The following SRRM3 variants were observed in gnomAD, a reference collection of about 807,000 sequenced individuals.
SRRM3 encodes the protein serine/arginine repetitive matrix protein 3.
SRRM3 carries 27 observed loss-of-function variants against 66.2 expected under a neutral mutation model. The ratio of observed to expected loss-of-function variants is 0.41; its 90% CI spans 0.30 to 0.56. The LOEUF is 0.56. Among genes scored for constraint, SRRM3 ranks in the 20% least tolerant of loss-of-function variants. The pLI is 0.32. For missense variants in SRRM3, 918 were observed against 991.9 expected (o/e 0.93, Z 1.00); for synonymous variants, 391 against 414.9 (o/e 0.94, Z 0.70).
intron 3 of SRRM3, among the ~76,000 whole-genome samples, chr7:76,259,106 G>A (rs1254929565): frequency 1.3e-5 from 2 of 150,602 alleles, no homozygotes; most frequent in Non-Finnish European, 3.0e-5. Flanking sequence ...AAAGAAAAGA[G>A]AAATTAGGGT....
At chr7:76,209,441 C>T (rs558145711) in intron 1 of SRRM3, among the ~76,000 whole-genome samples, 1 of 152,184 alleles carries the variant, frequency 6.6e-6, no homozygotes, top group East Asian at 1.9e-4. Flanking sequence ...ACAGAGAGGG[C>T]AGAGGATTGG....
chr7:76,269,989 A>C (rs1272546486), intron 11 of SRRM3: 1 of 152,020 alleles, frequency 6.6e-6, no homozygotes, highest in Non-Finnish European at 1.5e-5. Flanking sequence ...TCTAAAAAAA[A>C]AAATCACTCC....
intron 1 of SRRM3, among the ~76,000 whole-genome samples, chr7:76,232,356 T>C (rs547500156): frequency 6.6e-6 from 1 of 152,150 alleles, no homozygotes; most frequent in South Asian, 2.1e-4. Flanking sequence ...GCAGATCACT[T>C]GAGGTCAGAG....
At chr7:76,208,959 C>T (rs1288656555) in intron 1 of SRRM3, among the ~76,000 whole-genome samples, 1 of 151,794 alleles carries the variant, frequency 6.6e-6, no homozygotes, top group East Asian at 1.9e-4. Context: ...ATTAGCCGAG[C>T]ATGGTGGTGT....
intron 1 of SRRM3, among the ~76,000 whole-genome samples, chr7:76,220,198 T>A (rs1800674460): frequency 6.6e-6 from 1 of 152,176 alleles, no homozygotes; most frequent in Non-Finnish European, 1.5e-5. Context: ...TGGCCCAGTC[T>A]CTGCCCTTGG....
intron 1 of SRRM3, among the ~76,000 whole-genome samples, chr7:76,222,344 G>T (rs1554603298): frequency 6.6e-6 from 1 of 151,156 alleles, no homozygotes; most frequent in Non-Finnish European, 1.5e-5. Context: ...AGCCCAAGAG[G>T]TAGAGGCTGC....
chr7:76,272,867 C>T (rs1181183752), intron 11 of SRRM3, among the ~76,000 whole-genome samples: 1 of 151,994 alleles, frequency 6.6e-6, no homozygotes, highest in Admixed American at 6.6e-5. Flanking sequence ...TATACAGGAA[C>T]AGAAAAAGGC....
chr7:76,208,903 G>A (rs1554601424), intron 1 of SRRM3, among the ~76,000 whole-genome samples: 1 of 141,930 alleles, frequency 7.0e-6, no homozygotes, highest in African/African-American at 2.6e-5. Context: ...GGGAGGGAGG[G>A]AGGGAGAGAG....
intron 11 of SRRM3, chr7:76,273,589 T>G (rs1802264577): frequency 6.6e-6 from 1 of 152,204 alleles, no homozygotes; most frequent in Admixed American, 6.5e-5. Flanking sequence ...CCCTGAGCAC[T>G]GAGAAGGTAG....
At chr7:76,266,988 A>C (rs1180740277) in intron 10 of SRRM3, among the ~76,000 whole-genome samples, 1 of 152,056 alleles carries the variant, frequency 6.6e-6, no homozygotes, top group Non-Finnish European at 1.5e-5. Flanking sequence ...ATAATTTTTA[A>C]AAAGAGAAAT....
intron 3 of SRRM3, 38 bp from the exon 4 acceptor site, chr7:76,259,868 G>T (rs782469101): frequency 6.3e-7 from 1 of 1,598,832 alleles, no homozygotes; most frequent in South Asian, 1.1e-5. Flanking sequence ...AAGAAAAGTC[G>T]TCCCGAGACT....
At chr7:76,280,561 C>A (rs1352220176) in intron 11 of SRRM3, among the ~76,000 whole-genome samples, 2 of 151,912 alleles carry the variant, frequency 1.3e-5, no homozygotes, top group African/African-American at 4.8e-5. Context: ...AGCCCCTCCC[C>A]CTTTGGCCCC....
At chr7:76,213,501 G>T (rs1554602061) in intron 1 of SRRM3, among the ~76,000 whole-genome samples, 1 of 152,196 alleles carries the variant, frequency 6.6e-6, no homozygotes, top group Non-Finnish European at 1.5e-5. Flanking sequence ...ACCCACAGAG[G>T]TTGCACCAAG....
chr7:76,207,047 G>A (rs1423336261), intron 1 of SRRM3, among the ~76,000 whole-genome samples: 4 of 152,162 alleles, frequency 2.6e-5, no homozygotes, highest in African/African-American at 9.7e-5. Flanking sequence ...ACAGAGACAG[G>A]TAAAAGCAAG....
rs1159491671 is a variant in SRRM3 at position 76,281,331 on chromosome 7, T to C, written c.1009-110T>C. On this transcript the variant is annotated intron_variant, in intron 11 of 14. Transcript: ENST00000611745. Reference sequence around the variant, plus strand: ...TCCTCTTTCTGTCTCTGTCTCTGTCTCTTTCTTTCAATCTCTCTCTCCCGT... The same window carrying C: ...TCCTCTTTCTGTCTCTGTCTCTGTCCCTTTCTTTCAATCTCTCTCTCCCGT... 1.4e-5 allele frequency: 11 copies of C among 777,218 alleles called. No homozygotes were observed. The African/African-American group carries it at 1.9e-4, about 13-fold the overall frequency. 48.1% of individuals were successfully genotyped at this position (777,218 alleles called of 1,614,324 possible). A position where few individuals can be genotyped will look rare whatever the true frequency, so the allele number is the denominator to read the frequency against.
chr7:76,205,988 G>T (rs1284729026), intron 1 of SRRM3, among the ~76,000 whole-genome samples: 2 of 152,122 alleles, frequency 1.3e-5, no homozygotes, highest in Non-Finnish European at 2.9e-5. Context: ...TCGTGGGTGG[G>T]GGGTCATCTG....
intron 11 of SRRM3, chr7:76,267,638 C>T (rs1802107561): frequency 4.5e-6 from 2 of 443,690 alleles, no homozygotes; most frequent in Non-Finnish European, 3.7e-6. Context: ...CCACCTGGCC[C>T]TGGTGTCAGG....
At chr7:76,232,112 G>C (rs535439656) in intron 1 of SRRM3, among the ~76,000 whole-genome samples, 2 of 152,180 alleles carry the variant, frequency 1.3e-5, no homozygotes, top group Non-Finnish European at 2.9e-5. Flanking sequence ...TCACGTCTTT[G>C]TTCAGCCCCG....
chr7:76,233,425 C>T (rs1801060117), intron 1 of SRRM3, among the ~76,000 whole-genome samples: 1 of 152,166 alleles, frequency 6.6e-6, no homozygotes, highest in South Asian at 2.1e-4. Context: ...GCTCAGATGA[C>T]CAACAGATAG....
Sources: allele counts gnomAD v4.1 joint callset (sites outside exome capture counted in the v4.1 genomes callset), GRCh38; gene constraint gnomAD v4.1.1; transcripts MANE v1.5; gene names NCBI Gene and HGNC (gene_info 2026-07-23, HGNC 2026-07-21).